The following NNMT variants were observed in gnomAD, a reference collection of about 807,000 sequenced individuals.
NNMT encodes nicotinamide N-methyltransferase.
A neutral mutation model predicts 11.7 loss-of-function variants in NNMT; 10 were observed. The ratio of observed to expected loss-of-function variants is 0.85; its 90% confidence interval spans 0.53 to 1.45. The LOEUF is 1.45. NNMT is among the 40% of genes most tolerant of loss of function. The pLI, the probability that NNMT is intolerant of heterozygous loss-of-function variation, is 0.00. For synonymous variants in NNMT, 143 were observed against 133.8 expected, an observed-to-expected ratio of 1.07 and a Z score of -0.48; for missense variants, 381 against 319.4, an observed-to-expected ratio of 1.19 and a Z score of -1.47.
chr11:114,260,819 G>A (rs777620775), intron 1 of NNMT, among the ~76,000 whole-genome samples: 1 of 152,222 alleles, frequency 6.6e-6, no homozygotes, highest in Non-Finnish European at 1.5e-5. Context: ...TAGAGGAAGA[G>A]GGGCAGCTGA....
At chr11:114,298,263 A>T in intron 2 of NNMT, 105 bp downstream of exon 2, 2 of 927,156 alleles carry the variant, frequency 2.2e-6, no homozygotes, top group South Asian at 3.2e-5. Context: ...ATGGAGAATG[A>T]GTGGTAACGA....
At chr11:114,287,527 C>G (rs1281388016) in intron 2 of NNMT, among the ~76,000 whole-genome samples, 3 of 152,160 alleles carry the variant, frequency 2.0e-5, no homozygotes, top group Non-Finnish European at 4.4e-5. Flanking sequence ...TAAGCTATCA[C>G]CTCAATCATA....
In NNMT at chr11:114,296,536, G is replaced by A; in HGVS notation, c.-21G>A. ...GAAAGAGAAGGAGGGCAGTGCTCCA[G>A]TGGTACAGAAGTGAGACATAATGGA... On this transcript the variant is annotated 5_prime_UTR_variant, in exon 1 of 3. In the 5' UTR this introduces an upstream ATG that the reference lacks. Transcript: ENST00000299964. The A allele has an allele frequency of 1.2e-6, 2 of 1,611,214 alleles. No homozygotes were observed. The highest frequency in any genetic ancestry group is 1.7e-6 in the Non-Finnish European group (2 of 1,178,724).
chr11:114,306,304 G>A (rs1054959363), intron 2 of NNMT, among the ~76,000 whole-genome samples: 3 of 152,170 alleles, frequency 2.0e-5, no homozygotes, highest in African/African-American at 7.2e-5. Context: ...TAGGTTGCCT[G>A]TTCACTCTGA....
chr11:114,268,208 T>G (rs1488231120), intron 2 of NNMT, among the ~76,000 whole-genome samples: 1 of 151,876 alleles, frequency 6.6e-6, no homozygotes, highest in African/African-American at 2.4e-5. Context: ...AGCTACAAGA[T>G]CAACAGTGAC....
At chr11:114,283,402 A>G (rs1023514178) in intron 2 of NNMT, among the ~76,000 whole-genome samples, 2 of 152,256 alleles carry the variant, frequency 1.3e-5, no homozygotes, top group Admixed American at 6.5e-5. Context: ...TGCAAATACA[A>G]ATATATGCAT....
At chr11:114,305,100 C>T (rs998859536) in intron 2 of NNMT, among the ~76,000 whole-genome samples, 3 of 152,174 alleles carry the variant, frequency 2.0e-5, no homozygotes, top group Non-Finnish European at 4.4e-5. Flanking sequence ...GCTGTCAGGC[C>T]CCACTAGCTA....
intron 2 of NNMT, among the ~76,000 whole-genome samples, chr11:114,285,703 T>G (rs989960540): frequency 1.3e-5 from 2 of 152,216 alleles, no homozygotes; most frequent in Non-Finnish European, 2.9e-5. Context: ...GACTCACGCC[T>G]GCCACAAGGT....
intron 1 of NNMT, chr11:114,262,752 A>C (rs1323015523): frequency 6.6e-6 from 1 of 152,212 alleles, no homozygotes; most frequent in African/African-American, 2.4e-5. Flanking sequence ...AACTATAAAG[A>C]TCCTCAGAAA....
chr11:114,302,607 A>G (rs189252322), intron 2 of NNMT, among the ~76,000 whole-genome samples: 3 of 152,282 alleles, frequency 2.0e-5, no homozygotes, highest in Admixed American at 2.0e-4. Context: ...AATAAAATTT[A>G]CCATCTTTAC....
chr11:114,298,119 C>A lies in NNMT; in HGVS notation c.323C>A (p.Ser108Tyr). The change falls in exon 2 of 3, where the codon TCC becomes TAC. Residue 108 changes from serine to tyrosine, a missense_variant. Physicochemically the swap from Ser to Tyr is moderately radical, Grantham distance 144. Transcript: ENST00000299964. ...AAAGAGCCAGAGGCCTTTGACTGGT[C>A]CCCAGTGGTGACCTATGTGTGTGAT... ...LKKEPEAFDW[S>Y]PVVTYVCDLE... is the part of the protein sequence containing the mutation. 1 of 1,614,096 alleles carries A rather than the reference C, an allele frequency of 6.2e-7. No homozygotes were observed. Among genetic ancestry groups the A allele is most frequent in the South Asian group, 1.1e-5 (1 of 91,054 alleles).
At chr11:114,304,378 T>C (rs1945469794) in intron 2 of NNMT, among the ~76,000 whole-genome samples, 1 of 152,244 alleles carries the variant, frequency 6.6e-6, no homozygotes, top group Non-Finnish European at 1.5e-5. Flanking sequence ...AATGTCAGCT[T>C]GGAACAACTA....
chr11:114,281,059 C>G (rs938451042), intron 2 of NNMT, among the ~76,000 whole-genome samples: 4 of 152,140 alleles, frequency 2.6e-5, no homozygotes, highest in Non-Finnish European at 5.9e-5. Flanking sequence ...GCCCAGGGTC[C>G]CACTAGGGAC....
intron 1 of NNMT, among the ~76,000 whole-genome samples, chr11:114,259,246 T>C (rs1323379937): frequency 6.6e-6 from 1 of 151,908 alleles, no homozygotes; most frequent in African/African-American, 2.4e-5. Flanking sequence ...CCAGGGCTCA[T>C]GTTGCAGTTG....
At chr11:114,298,204 T>C in intron 2 of NNMT, 46 bp downstream of exon 2, 2 of 1,553,996 alleles carry the variant, frequency 1.3e-6, no homozygotes, top group Admixed American at 1.7e-5. Flanking sequence ...GGTACCTGAG[T>C]GATGGTTGGC....
In NNMT at chr11:114,303,222, T is replaced by C. The variant is rs925338420; in HGVS notation, c.362+5064T>C. On this transcript the variant is annotated intron_variant, in intron 2 of 2. Transcript: ENST00000299964. ...GAACTTATTTTAGTATTAGTTATAA[T>C]GCAGTTCTGCTGGAGACAAATTCTC... Among the ~76,000 whole-genome samples, 6 of 152,200 alleles carry C rather than the reference T, an allele frequency of 3.9e-5. No homozygotes were observed. The East Asian group carries it at 1.2e-3, about 29-fold the overall frequency.
intron 2 of NNMT, among the ~76,000 whole-genome samples, chr11:114,283,332 T>G (rs890678349): frequency 1.3e-5 from 2 of 152,182 alleles, no homozygotes; most frequent in Non-Finnish European, 2.9e-5. Context: ...TGCAGTGGCA[T>G]GAAGCAGTGG....
intron 2 of NNMT, among the ~76,000 whole-genome samples, chr11:114,266,183 G>A (rs189411126): frequency 2.0e-5 from 3 of 152,136 alleles, no homozygotes; most frequent in East Asian, 1.9e-4. Flanking sequence ...TGCTACAAAC[G>A]CTGAGGAGCA....
In NNMT at chr11:114,312,346, G is replaced by A. The variant is rs201804258; in HGVS notation, c.664G>A (p.Glu222Lys). The change falls in exon 3 of 3, where the codon GAG (glutamate) becomes AAG (lysine). Residue 222 changes from glutamate (E) to lysine (K), a missense_variant. Coordinates refer to ENST00000299964, the MANE Select transcript of NNMT (RefSeq NM_006169.3). ...SSLPLGREAV[E>K]AAVKEAGYTI... is the part of the protein sequence containing the mutation. ...CCTCCCCCTGGGCCGGGAGGCAGTA[G>A]AGGCTGCTGTGAAAGAGGCTGGCTA... 3.5e-5 allele frequency: 56 copies of A among 1,614,120 alleles called. 1 individual carries two copies. The East Asian group carries it at 1.0e-3, about 30-fold the overall frequency.
Sources: allele counts gnomAD v4.1 joint callset (sites outside exome capture counted in the v4.1 genomes callset), GRCh38; gene constraint gnomAD v4.1.1; transcripts MANE v1.5; gene names NCBI Gene and HGNC (gene_info 2026-07-23, HGNC 2026-07-21).